PLAGL1: variants seen among roughly 807,000 people sequenced by gnomAD.
PLAGL1 encodes the protein PLAG1 like zinc finger 1, also known as zinc finger protein PLAGL1.
Under a neutral mutation model 4.6 loss-of-function variants are expected in PLAGL1, and 1 was observed. The observed-to-expected ratio is 0.22, with a 90% confidence interval of 0.08 to 1.03. The LOEUF (loss-of-function observed/expected upper bound fraction) is 1.03, where lower values mean the gene tolerates loss of function less well. Ranked by LOEUF, PLAGL1 falls within the 50% of genes least tolerant of loss-of-function variation. The probability of loss-of-function intolerance (pLI) is 0.58; values close to 1 mark genes in which losing one functional copy is unlikely to be tolerated. For synonymous variants in PLAGL1, 240 were observed against 237.8 expected (o/e 1.01, Z -0.08); for missense variants, 464 against 570.4 (o/e 0.81, Z 1.90).
At chr6:143,998,337 T>C (rs902203166) in intron 1 of PLAGL1, among the ~76,000 whole-genome samples, 7 of 152,226 alleles carry the variant, frequency 4.6e-5, no homozygotes, top group Admixed American at 3.3e-4. Flanking sequence ...TTTAATTATT[T>C]CTTCATTTTT....
chr6:144,032,648 G>A (rs950973406), intron 1 of PLAGL1, among the ~76,000 whole-genome samples: 9 of 151,906 alleles, frequency 5.9e-5, no homozygotes, highest in Admixed American at 2.0e-4. Flanking sequence ...TGCAACGTCC[G>A]CCTCCTGGGC....
chr6:144,047,512 A>G (rs1798253096), intron 1 of PLAGL1, among the ~76,000 whole-genome samples: 1 of 152,192 alleles, frequency 6.6e-6, no homozygotes, highest in African/African-American at 2.4e-5. Flanking sequence ...GGCCTCAGGA[A>G]ACTTACAATC....
At chr6:144,029,225 C>A (rs1467934649) in intron 1 of PLAGL1, among the ~76,000 whole-genome samples, 1 of 152,220 alleles carries the variant, frequency 6.6e-6, no homozygotes, top group East Asian at 1.9e-4. Flanking sequence ...TATTTTAAAT[C>A]ATCTCCTGTG....
Position 144,000,642 on chromosome 6 carries a change from A to G in PLAGL1, c.-584+7448T>C, listed in dbSNP as rs1792651677. Among the ~76,000 whole-genome samples, 1 of 152,150 alleles carries G rather than the reference A, an allele frequency of 6.6e-6. No individual in the cohort carries two copies. Among genetic ancestry groups the G allele is most frequent in the Non-Finnish European group, 1.5e-5 (1 of 67,984 alleles). ...CCAACAGGACTTTTCAAGAAACTTCATAAACAGGTACTAAAACTCATATGG... is the reference window on the plus strand; with the variant it reads ...CCAACAGGACTTTTCAAGAAACTTCGTAAACAGGTACTAAAACTCATATGG... On this transcript the variant is annotated intron_variant, in intron 1 of 7. Coordinates refer to ENST00000674357, the MANE Select transcript of PLAGL1 (RefSeq NM_001317162.2). The surrounding 1 kb of genome is among the most constrained non-coding windows in gnomAD (Gnocchi z 4.1).
rs756387249 is a variant in PLAGL1, at chr6:144,005,872, G to A, written c.-584+2218C>T. On this transcript the variant is annotated intron_variant, in intron 1 of 7. Transcript: ENST00000674357. The surrounding 1 kb of genome is among the most constrained non-coding windows in gnomAD (Gnocchi z 4.6). ...AGAACTGAGGAACAGAAATTATTGA[G>A]GTAAATACAATATGTTAGCATTTTA... is the stretch of plus-strand genomic sequence containing the variant. 1 of 151,844 alleles carries A rather than the reference G, an allele frequency of 6.6e-6. No homozygotes were observed. Among genetic ancestry groups the A allele is most frequent in the Non-Finnish European group, 1.5e-5 (1 of 67,934 alleles). The allele number at this position is 151,844 out of a possible 1,614,324, so 9.4% of individuals were successfully genotyped here.
chr6:144,033,907 A>C (rs1457123719), intron 1 of PLAGL1, among the ~76,000 whole-genome samples: 3 of 152,242 alleles, frequency 2.0e-5, no homozygotes, highest in Non-Finnish European at 4.4e-5. Context: ...TGAGGTAATG[A>C]GACTTGAACA....
chr6:144,049,816 G>T (rs955614371), intron 1 of PLAGL1, among the ~76,000 whole-genome samples: 3 of 152,164 alleles, frequency 2.0e-5, no homozygotes, highest in African/African-American at 7.2e-5. Context: ...GACACATGGA[G>T]GTTTGATAAC....
chr6:143,996,577 T>C (rs547749008), intron 1 of PLAGL1, among the ~76,000 whole-genome samples: 2 of 152,072 alleles, frequency 1.3e-5, no homozygotes, highest in South Asian at 2.1e-4. Context: ...ATTCTGGGAA[T>C]TGTCCTTGAA....
Position 143,941,871 on chromosome 6 carries a change from G to T in PLAGL1, c.945C>A (p.Ser315Arg). 6.2e-7 allele frequency: 1 copy of T among 1,614,120 alleles called. No homozygotes were observed. Among genetic ancestry groups the T allele is most frequent in the East Asian group, 2.2e-5 (1 of 44,890 alleles). The change falls in exon 8 of 8, where the codon AGC (serine) becomes AGA (arginine). Residue 315 changes from serine (S) to arginine (R), a missense_variant. Around this residue, in one of 4 missense-constraint regions of PLAGL1, gnomAD observed 248 missense variants for 250.1 expected, o/e 0.99. Coordinates refer to ENST00000674357, the MANE Select transcript of PLAGL1 (RefSeq NM_001317162.2). This position sits in a 1 kb window ranked among gnomAD's most constrained non-coding sequence, Gnocchi z 6.0. Reference sequence around the variant, plus strand: ...CTTTAGTATCTGCTTTGAGGGGCAGGCTTGCAAGTGGGGAGTATGAGGTAG... The same window carrying T: ...CTTTAGTATCTGCTTTGAGGGGCAGTCTTGCAAGTGGGGAGTATGAGGTAG... ...TTSTSYSPLA[S>R]LPLKADTKGF...
At position 143,995,971 on chromosome 6, in the gene PLAGL1, T is replaced by C. The variant is rs181930248; in HGVS notation, c.-583-10797A>G. 1.3e-5 allele frequency among the ~76,000 whole-genome samples: 2 copies of C among 152,296 alleles called. No homozygotes were observed. The highest frequency in any genetic ancestry group is 3.9e-4 in the East Asian group (2 of 5,190). ...ATCTTTTTTCCAAAAATATCAAGGA[T>C]AAAGGATGGTCAGGAGCTCAACCAA... On this transcript the variant is annotated intron_variant, in intron 1 of 7. Transcript: ENST00000674357. The surrounding 1 kb of genome is among the most constrained non-coding windows in gnomAD (Gnocchi z 4.4).
In PLAGL1 at chr6:144,027,230, C is replaced by CGAAGGAAAGAAA. The variant is rs761735778; in HGVS notation, c.-151+37237_-151+37238insTTTCTTTCCTTC. Among the ~76,000 whole-genome samples, 2 of 99,106 alleles carry CGAAGGAAAGAAA rather than the reference C, an allele frequency of 2.0e-5. No homozygotes were observed. The highest frequency in any genetic ancestry group is 8.3e-5 in the African/African-American group (2 of 24,100). 65.0% of individuals were successfully genotyped at this position (99,106 alleles called of 152,430 possible). A position where few individuals can be genotyped will look rare whatever the true frequency, so the allele number is the denominator to read the frequency against. ...CAGAGAAAGACCCCAACTCAAAGAA[C>CGAAGGAAAGAAA]GAACGAAAGAAAGAAAGAAAGAAAG... is the stretch of plus-strand genomic sequence containing the variant. On this transcript the variant is annotated intron_variant, in intron 1 of 3. Transcript: ENST00000437412. The surrounding 1 kb of genome is among the most constrained non-coding windows in gnomAD (Gnocchi z 5.8).
At chr6:144,023,024 T>A (rs11155340) in intron 1 of PLAGL1, among the ~76,000 whole-genome samples, 39,422 of 152,178 alleles carry the variant, frequency 0.26, 6,085 homozygotes, top group South Asian at 0.37. Context: ...AACTATGATA[T>A]ATCCATAATG....
rs1047614602 is a variant in PLAGL1, at chr6:144,061,299, T to A, written c.-151+3169A>T. Among the ~76,000 whole-genome samples, 4 of 152,222 alleles carry A rather than the reference T, an allele frequency of 2.6e-5. No individual in the cohort carries two copies. Among genetic ancestry groups the A allele is most frequent in the African/African-American group, 7.2e-5 (3 of 41,456 alleles). On this transcript the variant is annotated intron_variant, in intron 1 of 3. Transcript: ENST00000437412. This position sits in a 1 kb window ranked among gnomAD's most constrained non-coding sequence, Gnocchi z 4.4. Reference sequence around the variant, plus strand: ...CCATCAGCCATATGACGTTAGCAAGTCAGTCTCTTCCAATTCCAATTTCTT... The same window carrying A: ...CCATCAGCCATATGACGTTAGCAAGACAGTCTCTTCCAATTCCAATTTCTT...
At chr6:144,057,250 A>T (rs1213912353) in intron 1 of PLAGL1, among the ~76,000 whole-genome samples, 3 of 152,374 alleles carry the variant, frequency 2.0e-5, no homozygotes, top group African/African-American at 7.2e-5. Context: ...TATAAAGACA[A>T]GGCACATGGT....
rs905778173 is a variant in PLAGL1, at chr6:143,960,875, A to G, written c.-398-333T>C. ...AAACCAACAGTATTAAAATACCATA[A>G]AACAGGTATGCAAATCTATGCAATA... is the stretch of plus-strand genomic sequence containing the variant. On this transcript the variant is annotated intron_variant, in intron 5 of 7. Transcript: ENST00000674357. The surrounding 1 kb of genome is among the most constrained non-coding windows in gnomAD (Gnocchi z 5.7). 4 of 152,268 alleles carry G rather than the reference A, an allele frequency of 2.6e-5. No individual in the cohort carries two copies. The highest frequency in any genetic ancestry group is 2.6e-4 in the Admixed American group (4 of 15,288). The allele number at this position is 152,268 out of a possible 1,614,324, so 9.4% of individuals were successfully genotyped here.
chr6:143,991,195 TA>T (rs1790400219), intron 1 of PLAGL1, among the ~76,000 whole-genome samples: 1 of 152,228 alleles, frequency 6.6e-6, no homozygotes, highest in African/African-American at 2.4e-5. Flanking sequence ...GAAACTGACT[TA>T]TATATCATAA....
rs1446878567 is a variant in PLAGL1, at chr6:143,984,347, A to G, written c.-544+788T>C. On this transcript the variant is annotated intron_variant, in intron 2 of 7. Transcript: ENST00000674357. The surrounding 1 kb of genome is among the most constrained non-coding windows in gnomAD (Gnocchi z 5.5). Reference sequence around the variant, plus strand: ...GTTGTATGGTGAAATATGCTGGAGAAACACCACAGACCAAAGGCCATCGAT... The same window carrying G: ...GTTGTATGGTGAAATATGCTGGAGAGACACCACAGACCAAAGGCCATCGAT... 6.6e-6 allele frequency among the ~76,000 whole-genome samples: 1 copy of G among 152,160 alleles called. No homozygotes were observed. The highest frequency in any genetic ancestry group is 1.5e-5 in the Non-Finnish European group (1 of 68,032).
chr6:144,037,364 C>G (rs1206369662), intron 1 of PLAGL1: 1 of 150,516 alleles, frequency 6.6e-6, no homozygotes, highest in Non-Finnish European at 1.5e-5. Context: ...AATAACTTGA[C>G]CCCAGGAATT....
intron 1 of PLAGL1, among the ~76,000 whole-genome samples, chr6:144,040,118 G>A (rs1289462995): frequency 6.6e-6 from 1 of 152,110 alleles, no homozygotes; most frequent in African/African-American, 2.4e-5. Context: ...AGAAGGAAGG[G>A]CTTAGGGAGG....
Sources: gnomAD v4.1 joint callset for allele counts (sites outside exome capture counted in the v4.1 genomes callset) on GRCh38, gnomAD v4.1.1 for gene constraint, gnomAD v4.1.1 regional missense constraint, Gnocchi (gnomAD v3.1) non-coding constraint, MANE v1.5 for transcripts, NCBI Gene and HGNC (gene_info 2026-07-23, HGNC 2026-07-21) for gene names.